PARP8: variants seen among roughly 807,000 people sequenced by gnomAD.
PARP8 encodes the protein poly(ADP-ribose) polymerase family member 8, also known as protein mono-ADP-ribosyltransferase PARP8.
In PARP8, 51 loss-of-function variants were observed where a neutral mutation model predicts 124.1. The ratio of observed to expected loss-of-function variants is 0.41; its 90% CI spans 0.33 to 0.52. The LOEUF is 0.52. Ranked by LOEUF, PARP8 falls within the 20% of genes least tolerant of loss-of-function variation. The pLI is 0.21. For synonymous variants in PARP8, 391 were observed against 361.5 expected, an observed-to-expected ratio of 1.08 and a Z score of -0.93; for missense variants, 860 against 1,018.9, an observed-to-expected ratio of 0.84 and a Z score of 2.12.
chr5:50,702,145 A>G (rs1473721979), intron 2 of PARP8, among the ~76,000 whole-genome samples: 1 of 152,200 alleles, frequency 6.6e-6, no homozygotes, highest in Non-Finnish European at 1.5e-5. Flanking sequence ...TAGAAATAAA[A>G]GGAACATCTC....
chr5:50,680,853 G>A (rs1474623129), intron 2 of PARP8, among the ~76,000 whole-genome samples: 1 of 152,230 alleles, frequency 6.6e-6, no homozygotes, highest in African/African-American at 2.4e-5. Flanking sequence ...TACTTTGTTA[G>A]GACCCAAGGG....
At chr5:50,695,319 C>G (rs1338329190) in intron 2 of PARP8, among the ~76,000 whole-genome samples, 2 of 151,800 alleles carry the variant, frequency 1.3e-5, no homozygotes, top group Non-Finnish European at 2.9e-5. Flanking sequence ...GTCACCATGA[C>G]CTGATGTAGC....
intron 14 of PARP8, among the ~76,000 whole-genome samples, chr5:50,810,345 T>G (rs1414344051): frequency 6.6e-6 from 1 of 152,060 alleles, no homozygotes; most frequent in Non-Finnish European, 1.5e-5. Flanking sequence ...TTTGGTTTTA[T>G]TTAGGCATAC....
At chr5:50,785,183 C>G (rs529924863) in intron 9 of PARP8, among the ~76,000 whole-genome samples, 1 of 152,094 alleles carries the variant, frequency 6.6e-6, no homozygotes, top group African/African-American at 2.4e-5. Flanking sequence ...AGATTTTATG[C>G]TATTGAGTCA....
intron 2 of PARP8, 42 bp downstream of exon 2, chr5:50,668,167 C>A: frequency 6.7e-7 from 1 of 1,486,938 alleles, no homozygotes; most frequent in Non-Finnish European, 9.3e-7. Context: ...TGTTCACACT[C>A]TTGTGTTTCC....
chr5:50,763,074 C>G (rs1208055342), intron 6 of PARP8, 74 bp from the exon 7 acceptor site: 2 of 1,111,094 alleles, frequency 1.8e-6, no homozygotes, highest in African/African-American at 3.1e-5. Flanking sequence ...ACAGGGAGAC[C>G]TGTCTCAAAA....
At chr5:50,812,804 C>A (rs1329009912) in intron 14 of PARP8, among the ~76,000 whole-genome samples, 1 of 152,126 alleles carries the variant, frequency 6.6e-6, no homozygotes. Context: ...TTTCAGCTTT[C>A]TAAATATGGC....
intron 2 of PARP8, among the ~76,000 whole-genome samples, chr5:50,717,978 G>A (rs1385445232): frequency 6.6e-6 from 1 of 151,920 alleles, no homozygotes; most frequent in African/African-American, 2.4e-5. Flanking sequence ...GAAGTAGTGA[G>A]TATGGGGACT....
intron 2 of PARP8, among the ~76,000 whole-genome samples, chr5:50,685,989 C>T (rs1364189777): frequency 6.6e-6 from 1 of 152,146 alleles, no homozygotes; most frequent in African/African-American, 2.4e-5. Flanking sequence ...CTGCCCTGGG[C>T]CCCTCCCAAA....
intron 2 of PARP8, among the ~76,000 whole-genome samples, chr5:50,735,566 G>A (rs961297393): frequency 3.3e-5 from 5 of 152,082 alleles, no homozygotes; most frequent in African/African-American, 7.2e-5. Context: ...TTGGATTCAG[G>A]TTGTTTATCT....
In PARP8 at chr5:50,816,681, A is replaced by C. The variant is rs1745139467; in HGVS notation, c.1668+1157A>C. Among the ~76,000 whole-genome samples the C allele has an allele frequency of 2.0e-5, 3 of 152,200 alleles. No individual in the cohort carries two copies. The South Asian group carries it at 6.2e-4, about 32-fold the overall frequency. On this transcript the variant is annotated intron_variant, in intron 15 of 25. Transcript: ENST00000281631. The stretch of plus-strand genomic sequence containing the variant: ...AAAAAATGATTCCATGATTAAAATA[A>C]ATTTCCAAACTATAGCTTCGTATTT...
At chr5:50,785,396 G>T (rs1194084892) in intron 9 of PARP8, among the ~76,000 whole-genome samples, 1 of 151,958 alleles carries the variant, frequency 6.6e-6, no homozygotes, top group African/African-American at 2.4e-5. Context: ...GTTTTCTCCG[G>T]TAAAGGCATT....
At chr5:50,781,734 C>T (rs1234266691) in intron 9 of PARP8, among the ~76,000 whole-genome samples, 2 of 152,126 alleles carry the variant, frequency 1.3e-5, no homozygotes, top group African/African-American at 4.8e-5. Flanking sequence ...TTAATCTTCC[C>T]TTCACTCTTC....
At chr5:50,770,216 T>G (rs185367648) in intron 7 of PARP8, among the ~76,000 whole-genome samples, 1 of 152,304 alleles carries the variant, frequency 6.6e-6, no homozygotes, top group Admixed American at 6.5e-5. Context: ...TCAATTTCTG[T>G]TCTTACCCAC....
chr5:50,667,326 C>T (rs1749407457), intron 1 of PARP8, 140 bp downstream of exon 1: 1 of 900,938 alleles, frequency 1.1e-6, no homozygotes, highest in South Asian at 1.4e-5. Flanking sequence ...CTGCAACGAG[C>T]GCGGGAGCCA....
At chr5:50,677,333 G>T (rs1750748958) in intron 2 of PARP8, among the ~76,000 whole-genome samples, 1 of 137,868 alleles carries the variant, frequency 7.3e-6, no homozygotes, top group Admixed American at 7.2e-5. Context: ...AAAAAAAAAA[G>T]TTAGTCCCTC....
chr5:50,820,512 GATA>G (rs1268057304), intron 15 of PARP8, among the ~76,000 whole-genome samples: 1 of 152,166 alleles, frequency 6.6e-6, no homozygotes, highest in African/African-American at 2.4e-5. Flanking sequence ...AGAATCATAG[GATA>G]ACAGGATAAC....
intron 2 of PARP8, among the ~76,000 whole-genome samples, chr5:50,692,215 G>A (rs1752566219): frequency 6.6e-6 from 1 of 152,066 alleles, no homozygotes; most frequent in Non-Finnish European, 1.5e-5. Context: ...TCTTTGTCAT[G>A]TCATTCAAAA....
At chr5:50,683,137 G>T (rs918700776) in intron 2 of PARP8, among the ~76,000 whole-genome samples, 58 of 152,224 alleles carry the variant, frequency 3.8e-4, no homozygotes, top group African/African-American at 1.3e-3. Flanking sequence ...TGCAGCAGGG[G>T]CTCTAATTGG....
Sources: allele counts gnomAD v4.1 joint callset (sites outside exome capture counted in the v4.1 genomes callset), GRCh38; gene constraint gnomAD v4.1.1; transcripts MANE v1.5; gene names NCBI Gene and HGNC (gene_info 2026-07-23, HGNC 2026-07-21).